The following AGGF1 variants were observed in gnomAD, a reference collection of about 807,000 sequenced individuals.
AGGF1 encodes the protein angiogenic factor with G patch and FHA domains 1.
In AGGF1, 56 loss-of-function variants were observed where a neutral mutation model predicts 86.5. The ratio of observed to expected loss-of-function variants is 0.65; its 90% CI spans 0.52 to 0.81. AGGF1 has a LOEUF of 0.81. Among genes scored for constraint, AGGF1 ranks in the 30% least tolerant of loss-of-function variants. The pLI, the probability that AGGF1 is intolerant of heterozygous loss-of-function variation, is 0.00. For synonymous variants in AGGF1, 313 were observed against 297.1 expected (o/e 1.05, Z -0.55); for missense variants, 816 against 850.9 (o/e 0.96, Z 0.51).
intron 5 of AGGF1, among the ~76,000 whole-genome samples, chr5:77,041,566 CAAAAA>C (rs1232718165): frequency 1.4e-5 from 1 of 70,408 alleles, no homozygotes. Context: ...GACTCCATCT[CAAAAA>C]AAAAAAAAAA....
At chr5:77,045,075 AAAAAG>A (rs1321614156) in intron 5 of AGGF1, among the ~76,000 whole-genome samples, 1 of 152,090 alleles carries the variant, frequency 6.6e-6, no homozygotes, top group East Asian at 1.9e-4. Flanking sequence ...AAAAAAAAAA[AAAAAG>A]AAAGAAAGGT....
At position 77,030,792 on chromosome 5, in the gene AGGF1, C is replaced by A; in HGVS notation, c.26C>A (p.Pro9Gln). MASEAPSP[P>Q]RSPPPPTSPE... ...ATGGCCTCGGAGGCGCCGTCCCCGCCGCGGTCGCCGCCGCCGCCCACCTCC... is the reference window on the plus strand; with the variant it reads ...ATGGCCTCGGAGGCGCCGTCCCCGCAGCGGTCGCCGCCGCCGCCCACCTCC... Residue 9 changes from proline to glutamine, a missense_variant, in exon 1 of 14, where the codon CCG becomes CAG. Pro to Gln is a moderately conservative substitution (Grantham distance 76, BLOSUM62 -1). Transcript: ENST00000312916. 1.3e-6 allele frequency: 2 copies of A among 1,591,454 alleles called. No homozygotes were observed. The highest frequency in any genetic ancestry group is 2.3e-5 in the East Asian group (1 of 43,992).
At position 77,046,315 on chromosome 5, in the gene AGGF1, CT is replaced by C. The variant is rs771935745; in HGVS notation, c.871-31del. ...TAGTGATGTTTAAGAGTATTCTCCC[CT>C]GTTCCCTCGTATCTACCCACCCTTC... is the stretch of plus-strand genomic sequence containing the variant. On this transcript the variant is annotated intron_variant, in intron 5 of 13. Transcript: ENST00000312916. 6 of 1,546,154 alleles carry C rather than the reference CT, an allele frequency of 3.9e-6. No individual in the cohort carries two copies. In the African/African-American group the frequency reaches 6.8e-5, roughly 18 times the overall value.
Position 77,046,587 on chromosome 5 carries a change from G to A in AGGF1, c.1111G>A (p.Gly371Ser), listed in dbSNP as rs1747257758. Residue 371 changes from glycine to serine, a missense_variant, in exon 6 of 14, where the codon GGT becomes AGT. By Grantham distance (56) the Gly-to-Ser change is moderately conservative. This residue lies in a region of AGGF1 where 565 missense variants were observed against 585.8 expected (regional missense o/e 0.96). Coordinates refer to ENST00000312916, the MANE Select transcript of AGGF1 (RefSeq NM_018046.5). Reference protein sequence around the residue: ...IMETDSEPEEGEITDSQTEDS... With the variant: ...IMETDSEPEESEITDSQTEDS... ...GGAGACTGATAGTGAACCAGAGGAA[G>A]GTGAAATTACAGACTCTCAGACTGA... 1.2e-6 allele frequency: 2 copies of A among 1,613,838 alleles called. No homozygotes were observed. The highest frequency in any genetic ancestry group is 1.7e-6 in the Non-Finnish European group (2 of 1,179,858).
At chr5:77,052,047 TC>T (rs1747380080) in intron 8 of AGGF1, among the ~76,000 whole-genome samples, 1 of 152,212 alleles carries the variant, frequency 6.6e-6, no homozygotes, top group Non-Finnish European at 1.5e-5. Context: ...GTGTTTCAAA[TC>T]ACATTTTGTA....
intron 4 of AGGF1, among the ~76,000 whole-genome samples, chr5:77,037,532 G>T (rs7723530): frequency 0.19 from 29,188 of 152,062 alleles, 2,849 homozygotes; most frequent in South Asian, 0.24. Flanking sequence ...TGTAATCCTA[G>T]CACTTTAGGA....
chr5:77,059,788 T>G, intron 12 of AGGF1, 45 bp downstream of exon 12: 1 of 1,609,148 alleles, frequency 6.2e-7, no homozygotes, highest in Non-Finnish European at 8.5e-7. Context: ...TTGTTCATAA[T>G]AACATTCATA....
At chr5:77,032,682 T>G (rs1416659218) in intron 1 of AGGF1, among the ~76,000 whole-genome samples, 1 of 152,200 alleles carries the variant, frequency 6.6e-6, no homozygotes, top group Non-Finnish European at 1.5e-5. Context: ...CTGCTTGCGT[T>G]AGAGATTCTA....
intron 12 of AGGF1, 81 bp from the exon 13 acceptor site, chr5:77,061,622 T>C: frequency 7.2e-7 from 1 of 1,393,736 alleles, no homozygotes; most frequent in East Asian, 2.3e-5. Flanking sequence ...TTGTACCAAT[T>C]ACTTTTAATT....
intron 5 of AGGF1, among the ~76,000 whole-genome samples, chr5:77,043,594 C>CG (rs779476258): frequency 2.0e-5 from 2 of 99,072 alleles, no homozygotes; most frequent in African/African-American, 3.0e-5. Flanking sequence ...CTGACCCCCC[C>CG]CCCCCCGGAT....
Position 77,063,519 on chromosome 5 carries a change from C to T in AGGF1, c.*267C>T, listed in dbSNP as rs10942807. 0.18 allele frequency: 77,295 copies of T among 430,906 alleles called. 8,130 individuals carry two copies. Among genetic ancestry groups the T allele is most frequent in the Non-Finnish European group, 0.21 (49,573 of 238,288 alleles). The allele number at this position is 430,906 out of a possible 1,614,324, so 26.7% of individuals were successfully genotyped here. A position where few individuals can be genotyped will look rare whatever the true frequency, so the allele number is the denominator to read the frequency against. On this transcript the variant is annotated 3_prime_UTR_variant, in exon 14 of 14. Transcript: ENST00000312916. ...CTTCGTTATTTTATCTTGTCATTTA[C>T]AACATCCATATAAGCAACTAGCCAT...
At chr5:77,057,918 A>G (rs1263590322) in intron 11 of AGGF1, among the ~76,000 whole-genome samples, 1 of 152,226 alleles carries the variant, frequency 6.6e-6, no homozygotes, top group African/African-American at 2.4e-5. Context: ...GGTGTTGAGA[A>G]CTACAAACAA....
At position 77,046,798 on chromosome 5, in the gene AGGF1, T is replaced by C. The variant is rs546796698; in HGVS notation, c.1201+121T>C. The stretch of plus-strand genomic sequence containing the variant: ...CAGAAAGTAAACATTATTTTAATGA[T>C]GTTATTGAAAATGTTGTGGGTTGCC... On this transcript the variant is annotated intron_variant, in intron 6 of 13. Coordinates refer to ENST00000312916, the MANE Select transcript of AGGF1 (RefSeq NM_018046.5). 21 of 1,015,006 alleles carry C rather than the reference T, an allele frequency of 2.1e-5. 1 individual carries two copies. Among genetic ancestry groups the C allele is most frequent in the Middle Eastern group, 4.4e-4 (2 of 4,574 alleles). 62.9% of individuals were successfully genotyped at this position (1,015,006 alleles called of 1,614,324 possible).
At chr5:77,050,262 A>G (rs1371423742) in intron 8 of AGGF1, among the ~76,000 whole-genome samples, 1 of 150,868 alleles carries the variant, frequency 6.6e-6, no homozygotes, top group East Asian at 1.9e-4. Flanking sequence ...CCTCCAGTCT[A>G]AACCATAGAT....
At chr5:77,057,466 A>G (rs943833454) in intron 11 of AGGF1, among the ~76,000 whole-genome samples, 1 of 152,248 alleles carries the variant, frequency 6.6e-6, no homozygotes, top group African/African-American at 2.4e-5. Context: ...ATCTCAAAAT[A>G]GTTATGTTGA....
At chr5:77,042,788 C>T (rs541436313) in intron 5 of AGGF1, among the ~76,000 whole-genome samples, 2 of 45,670 alleles carry the variant, frequency 4.4e-5, no homozygotes, top group Admixed American at 4.3e-4. Flanking sequence ...CCCTCCCGGA[C>T]GGGGCGGCTG....
rs1324680214 is a variant in AGGF1, at chr5:77,030,440, C to T, written c.-327C>T. On this transcript the variant is annotated 5_prime_UTR_variant, in exon 1 of 14. Transcript: ENST00000312916. The stretch of plus-strand genomic sequence containing the variant: ...CGGCTCAACTGGGGAGCTGCTGGAG[C>T]TCTTCTGGCCTCTGGTTTTCCGACT... 1.1e-5 allele frequency: 6 copies of T among 537,618 alleles called. No homozygotes were observed. Among genetic ancestry groups the T allele is most frequent in the Admixed American group, 8.9e-5 (4 of 44,730 alleles). The allele number at this position is 537,618 out of a possible 1,614,324, so 33.3% of individuals were successfully genotyped here. A position where few individuals can be genotyped will look rare whatever the true frequency, so the allele number is the denominator to read the frequency against.
chr5:77,063,151 T>G lies in AGGF1; in HGVS notation c.2044T>G (p.Trp682Gly), dbSNP rs766569055. 6.2e-7 allele frequency: 1 copy of G among 1,613,862 alleles called. No homozygotes were observed. Among genetic ancestry groups the G allele is most frequent in the Non-Finnish European group, 8.5e-7 (1 of 1,180,000 alleles). ...HLLQNKNKKN[W>G]DKARERFTEN... ...TCTCCAAAACAAGAACAAAAAAAAC[T>G]GGGACAAAGCACGAGAGCGGTTTAC... The change falls in exon 14 of 14, where the codon TGG becomes GGG. Residue 682 changes from tryptophan (W) to glycine (G), a missense_variant. Physicochemically the swap from Trp to Gly is radical, Grantham distance 184. Transcript: ENST00000312916.
intron 8 of AGGF1, among the ~76,000 whole-genome samples, chr5:77,049,352 C>T (rs1280762614): frequency 6.6e-6 from 1 of 152,046 alleles, no homozygotes; most frequent in Non-Finnish European, 1.5e-5. Flanking sequence ...TTACTTTGAG[C>T]CGGAGGATTT....
Sources: gnomAD v4.1 joint callset for allele counts (sites outside exome capture counted in the v4.1 genomes callset) on GRCh38, gnomAD v4.1.1 for gene constraint, gnomAD v4.1.1 regional missense constraint, MANE v1.5 for transcripts, NCBI Gene and HGNC (gene_info 2026-07-23, HGNC 2026-07-21) for gene names.